The following ANXA10 variants were observed in gnomAD, a reference collection of about 807,000 sequenced individuals.
The protein encoded by ANXA10 is annexin 14.
Under a neutral mutation model 53.5 loss-of-function variants are expected in ANXA10, and 49 were observed. The ratio of observed to expected loss-of-function variants is 0.92; its 90% confidence interval spans 0.73 to 1.16. The LOEUF is 1.16. Among genes scored for constraint, ANXA10 ranks in the 50% most tolerant of loss-of-function variants. ANXA10 has a pLI of 0.00. For synonymous variants in ANXA10, 131 were observed against 128.9 expected, an observed-to-expected ratio of 1.02 and a Z score of -0.11; for missense variants, 393 against 394.4, an observed-to-expected ratio of 1.00 and a Z score of 0.03.
At chr4:168,154,650 C>T (rs1156703861) in intron 3 of ANXA10, among the ~76,000 whole-genome samples, 3 of 152,108 alleles carry the variant, frequency 2.0e-5, no homozygotes, top group Non-Finnish European at 2.9e-5. Context: ...AAACCTTCAA[C>T]GCATTGCCAC....
rs372783431 is a variant in ANXA10 at position 168,162,505 on chromosome 4, T to C, written c.196-23T>C. 2.3e-5 allele frequency: 36 copies of C among 1,545,112 alleles called. No homozygotes were observed. In the African/African-American group the frequency reaches 3.4e-4, roughly 15 times the overall value. On this transcript the variant is annotated intron_variant, in intron 3 of 11. Coordinates refer to ENST00000359299, the MANE Select transcript of ANXA10 (RefSeq NM_007193.5). The stretch of plus-strand genomic sequence containing the variant: ...TGCAAATTTGGTAACATATAATAAA[T>C]ATATGTACTTTTTCCTCCACAGGAC...
intron 1 of ANXA10, among the ~76,000 whole-genome samples, chr4:168,106,331 G>A (rs749790013): frequency 1.3e-5 from 2 of 152,106 alleles, no homozygotes; most frequent in Non-Finnish European, 2.9e-5. Flanking sequence ...TGGATAAAAT[G>A]TGGATTGTGG....
chr4:168,181,714 T>C lies in ANXA10; in HGVS notation c.756T>C (p.Phe252=). The C allele has an allele frequency of 6.2e-7, 1 of 1,603,844 alleles. No individual in the cohort carries two copies. Among genetic ancestry groups the C allele is most frequent in the South Asian group, 1.1e-5 (1 of 90,878 alleles). Residue 252 remains phenylalanine (F), a synonymous_variant, in exon 10 of 12, where the codon TTT becomes TTC. Transcript: ENST00000359299. ...VLCVRDKPAY[F]AYRLYSAIHD... ...GTGTTCGAGACAAACCAGCCTATTT[T>C]GCTTATAGATTATATAGTGCAATTC...
At chr4:168,170,548 C>T (rs959635483) in intron 6 of ANXA10, among the ~76,000 whole-genome samples, 9 of 152,196 alleles carry the variant, frequency 5.9e-5, no homozygotes, top group East Asian at 1.9e-4. Context: ...GACTCTTTTC[C>T]GTTTGTGGTT....
chr4:168,175,370 A>G (rs1405171256), intron 6 of ANXA10, among the ~76,000 whole-genome samples: 1 of 152,234 alleles, frequency 6.6e-6, no homozygotes, highest in Non-Finnish European at 1.5e-5. Context: ...AATTAAAATC[A>G]TAAGAGAGAA....
intron 2 of ANXA10, among the ~76,000 whole-genome samples, chr4:168,132,779 G>A (rs4605611): frequency 0.66 from 100,443 of 151,830 alleles, 34,450 homozygotes; most frequent in African/African-American, 0.83. Flanking sequence ...AAAATTAAAA[G>A]TAAAAAATTA....
intron 1 of ANXA10, among the ~76,000 whole-genome samples, chr4:168,127,175 T>G (rs1023911294): frequency 1.3e-5 from 2 of 152,144 alleles, no homozygotes; most frequent in African/African-American, 4.8e-5. Context: ...TGTGATTATA[T>G]GGTGCCTAGT....
intron 1 of ANXA10, among the ~76,000 whole-genome samples, chr4:168,096,981 A>G (rs1414494092): frequency 6.9e-6 from 1 of 145,300 alleles, no homozygotes; most frequent in Non-Finnish European, 1.5e-5. Context: ...ATGTGTATAT[A>G]TACAACAGTC....
At chr4:168,162,683 C>T in intron 4 of ANXA10, 42 bp downstream of exon 4, 1 of 1,526,000 alleles carries the variant, frequency 6.6e-7, no homozygotes, top group Non-Finnish European at 9.1e-7. Context: ...CAAGTACAGG[C>T]CAGTATTTCA....
intron 3 of ANXA10, among the ~76,000 whole-genome samples, chr4:168,153,924 AATTAT>A (rs1344650629): frequency 1.3e-5 from 2 of 151,934 alleles, no homozygotes; most frequent in African/African-American, 4.8e-5. Flanking sequence ...ATTTTCCTGA[AATTAT>A]ATTATTTCTT....
At chr4:168,183,927 GAC>G (rs1399050219) in intron 10 of ANXA10, among the ~76,000 whole-genome samples, 8 of 152,082 alleles carry the variant, frequency 5.3e-5, no homozygotes, top group African/African-American at 9.7e-5. Flanking sequence ...TGTTTGGAAA[GAC>G]AATTTGAAAC....
chr4:168,184,823 C>G (rs1040784958), intron 11 of ANXA10, 142 bp downstream of exon 11: 3 of 1,137,244 alleles, frequency 2.6e-6, no homozygotes, highest in Non-Finnish European at 3.7e-6. Flanking sequence ...TTTTCCTCTA[C>G]ACAGTCTTTA....
intron 1 of ANXA10, among the ~76,000 whole-genome samples, chr4:168,103,711 T>G (rs1730676179): frequency 6.6e-6 from 1 of 151,930 alleles, no homozygotes; most frequent in African/African-American, 2.4e-5. Context: ...TGCCAGGATT[T>G]CGACTGGGAT....
At chr4:168,115,130 G>T (rs113504919) in intron 1 of ANXA10, among the ~76,000 whole-genome samples, 38 of 152,220 alleles carry the variant, frequency 2.5e-4, no homozygotes, top group Non-Finnish European at 5.3e-4. Context: ...CAATCTACCT[G>T]CCTCAGATTC....
chr4:168,116,470 T>G (rs1579206445), intron 1 of ANXA10, among the ~76,000 whole-genome samples: 1 of 152,226 alleles, frequency 6.6e-6, no homozygotes, highest in East Asian at 1.9e-4. Context: ...CAGTGAACAT[T>G]TATTTCAAGA....
intron 2 of ANXA10, among the ~76,000 whole-genome samples, chr4:168,128,626 T>C (rs1267504255): frequency 6.6e-6 from 1 of 152,180 alleles, no homozygotes; most frequent in African/African-American, 2.4e-5. Context: ...GCCTGGAATG[T>C]TATTTTCTTC....
At chr4:168,095,283 C>T (rs1434884062) in intron 1 of ANXA10, among the ~76,000 whole-genome samples, 1 of 151,922 alleles carries the variant, frequency 6.6e-6, no homozygotes, top group Non-Finnish European at 1.5e-5. Flanking sequence ...ACAGTAGCAT[C>T]TTATTTACTA....
intron 3 of ANXA10, among the ~76,000 whole-genome samples, chr4:168,151,162 G>A (rs1333534701): frequency 2.0e-5 from 3 of 152,098 alleles, no homozygotes; most frequent in African/African-American, 7.2e-5. Context: ...ACCACTGGGG[G>A]AGGGAGATAG....
At chr4:168,145,132 G>A (rs1473231355) in intron 3 of ANXA10, among the ~76,000 whole-genome samples, 1 of 152,144 alleles carries the variant, frequency 6.6e-6, no homozygotes, top group East Asian at 1.9e-4. Flanking sequence ...GACCAGATGA[G>A]CCAGCTTATC....
Sources: gnomAD v4.1 joint callset for allele counts (sites outside exome capture counted in the v4.1 genomes callset) on GRCh38, gnomAD v4.1.1 for gene constraint, MANE v1.5 for transcripts, NCBI Gene and HGNC (gene_info 2026-07-23, HGNC 2026-07-21) for gene names.